Variants in APOOL observed in about 807,000 individuals in gnomAD.
APOOL encodes MICOS complex subunit MIC27.
Under a neutral mutation model 23.1 loss-of-function variants are expected in APOOL, and 12 were observed. The ratio of observed to expected loss-of-function variants is 0.52; its 90% CI spans 0.33 to 0.84. The LOEUF is 0.84. Among genes scored for constraint, APOOL ranks in the 40% least tolerant of loss-of-function variants. The pLI is 0.02. For synonymous variants in APOOL, 77 were observed against 69.9 expected (o/e 1.10, Z -0.51); for missense variants, 212 against 199.6 (o/e 1.06, Z -0.37).
chrX:85,072,040 C>T (rs1015209149), intron 6 of APOOL, among the ~76,000 whole-genome samples: 2 of 111,615 alleles, frequency 1.8e-5, no homozygotes, highest in South Asian at 3.7e-4. Flanking sequence ...ATCTGGGAGG[C>T]GGAGCTTGCA....
intron 2 of APOOL, among the ~76,000 whole-genome samples, chrX:85,050,571 G>C (rs1051635617): frequency 2.8e-5 from 3 of 105,826 alleles, no homozygotes; most frequent in African/African-American, 1.0e-4. Flanking sequence ...CAAACACCAG[G>C]CTTCATAGGA....
intron 8 of APOOL, among the ~76,000 whole-genome samples, chrX:85,081,876 G>C (rs1924114581): frequency 9.0e-6 from 1 of 111,191 alleles, no homozygotes; most frequent in Admixed American, 9.6e-5. Context: ...TTCTTCACTT[G>C]ATCAAATCAA....
chrX:85,078,423 G>A (rs769738198), intron 8 of APOOL, among the ~76,000 whole-genome samples: 1 of 111,205 alleles, frequency 9.0e-6, no homozygotes, highest in Non-Finnish European at 1.9e-5. Flanking sequence ...TACTTCTGAG[G>A]TGTCTGTTCT....
At chrX:85,086,531 C>A (rs1045329923) in intron 8 of APOOL, among the ~76,000 whole-genome samples, 6 of 111,730 alleles carry the variant, frequency 5.4e-5, no homozygotes, top group Middle Eastern at 4.6e-3. Flanking sequence ...GAAATCTTGT[C>A]TATTCTACCT....
intron 1 of APOOL, among the ~76,000 whole-genome samples, chrX:85,034,055 G>A (rs745649898): frequency 2.3e-4 from 26 of 111,215 alleles, no homozygotes; most frequent in African/African-American, 8.2e-4. Context: ...TTCCAGGACA[G>A]GTTTTTGGCC....
intron 1 of APOOL, among the ~76,000 whole-genome samples, chrX:85,039,803 A>G (rs929536514): frequency 3.6e-5 from 4 of 111,737 alleles, no homozygotes; most frequent in African/African-American, 1.3e-4. Context: ...ACTGCATGTG[A>G]GATGGGTCTC....
intron 1 of APOOL, among the ~76,000 whole-genome samples, chrX:85,016,754 C>A (rs1176940676): frequency 2.7e-5 from 3 of 111,881 alleles, no homozygotes; most frequent in Non-Finnish European, 5.6e-5. Flanking sequence ...TCTACTGTGC[C>A]CAGCATTGCA....
chrX:85,048,642 T>C (rs1431818240), intron 2 of APOOL, among the ~76,000 whole-genome samples: 2 of 111,910 alleles, frequency 1.8e-5, no homozygotes, highest in African/African-American at 6.5e-5. Context: ...TTCTAGCTAC[T>C]TTTATTGTGT....
intron 1 of APOOL, among the ~76,000 whole-genome samples, chrX:85,006,204 G>A (rs1239989990): frequency 9.0e-6 from 1 of 111,719 alleles, no homozygotes; most frequent in Non-Finnish European, 1.9e-5. Context: ...ATTGTATGGG[G>A]TTAAGAAAAG....
At chrX:85,017,613 C>T (rs907951686) in intron 1 of APOOL, among the ~76,000 whole-genome samples, 2 of 111,516 alleles carry the variant, frequency 1.8e-5, no homozygotes, top group African/African-American at 6.5e-5. Context: ...TTGACCGCTC[C>T]CTAATTCTGC....
chrX:85,009,693 G>A (rs1167662811), intron 1 of APOOL, among the ~76,000 whole-genome samples: 1 of 110,227 alleles, frequency 9.1e-6, no homozygotes, highest in Non-Finnish European at 1.9e-5. Flanking sequence ...TTGTTACACA[G>A]GTAAACTCGT....
intron 8 of APOOL, among the ~76,000 whole-genome samples, chrX:85,087,023 A>G (rs1272310557): frequency 8.1e-5 from 9 of 111,190 alleles, no homozygotes; most frequent in Non-Finnish European, 1.1e-4. Flanking sequence ...AAAACATAGC[A>G]TCATTCACTC....
Position 85,087,598 on chromosome X carries a change from C to A in APOOL, c.727C>A (p.Gln243Lys), listed in dbSNP as rs1411161455. The A allele has an allele frequency of 8.4e-7, 1 of 1,197,555 alleles. No individual in the cohort carries two copies. The highest frequency in any genetic ancestry group is 1.8e-5 in the African/African-American group (1 of 57,095). ...TTTTAATACTTTATCAGGTGCAACC[C>A]AGTTTATGCCTGACCCCAAGCTCAT... Reference protein sequence around the residue: ...TKSESTSGATQFMPDPKLMDH... With the variant: ...TKSESTSGATKFMPDPKLMDH... The change falls in exon 9 of 9, where the codon CAG becomes AAG. Residue 243 changes from glutamine (Q) to lysine (K), a missense_variant. Physicochemically the swap from Gln to Lys is moderately conservative, Grantham distance 53. Transcript: ENST00000373173.
chrX:85,040,353 A>G (rs1922364763), intron 1 of APOOL, among the ~76,000 whole-genome samples: 1 of 111,840 alleles, frequency 8.9e-6, no homozygotes, highest in Non-Finnish European at 1.9e-5. Context: ...ACCCTGAAGA[A>G]TATGATGAGT....
intron 1 of APOOL, among the ~76,000 whole-genome samples, chrX:85,045,109 G>A (rs1008496155): frequency 1.8e-4 from 20 of 111,568 alleles, no homozygotes; most frequent in African/African-American, 6.5e-4. Flanking sequence ...CCTAACATAG[G>A]TATGGTGTGG....
In APOOL at chrX:85,092,494, T is replaced by C; in HGVS notation, c.*4816T>C. On this transcript the variant is annotated 3_prime_UTR_variant, in exon 9 of 9. Coordinates refer to ENST00000373173, the MANE Select transcript of APOOL (RefSeq NM_198450.6). The stretch of plus-strand genomic sequence containing the variant: ...TAAAGCCCCTCGACTAGTATAGTAG[T>C]TGATAGAAGCCTGGTTCCAAATGAC... 2 of 1,210,014 alleles carry C rather than the reference T, an allele frequency of 1.7e-6. No homozygotes were observed. Among genetic ancestry groups the C allele is most frequent in the Non-Finnish European group, 2.2e-6 (2 of 894,390 alleles).
chrX:85,033,005 T>C lies in APOOL; in HGVS notation c.16-13441T>C, dbSNP rs140569069. The stretch of plus-strand genomic sequence containing the variant: ...GTTATCTAAGTGAAGGTATAGATAG[T>C]GGACCTGAATGGGTATTGAGCCCGG... On this transcript the variant is annotated intron_variant, in intron 1 of 8. Coordinates refer to ENST00000373173, the MANE Select transcript of APOOL (RefSeq NM_198450.6). 9.7e-4 allele frequency among the ~76,000 whole-genome samples: 109 copies of C among 112,414 alleles called. 1 individual carries two copies. Among genetic ancestry groups the C allele is most frequent in the African/African-American group, 3.3e-3 (101 of 30,967 alleles).
intron 5 of APOOL, among the ~76,000 whole-genome samples, chrX:85,064,340 ATT>A (rs745593279): frequency 2.7e-5 from 2 of 73,336 alleles, no homozygotes; most frequent in African/African-American, 5.0e-5. Context: ...CAGCTCCTGG[ATT>A]TTTTTTTTTT....
At chrX:85,052,435 C>G (rs1312501041) in intron 3 of APOOL, among the ~76,000 whole-genome samples, 1 of 111,639 alleles carries the variant, frequency 9.0e-6, no homozygotes, top group Non-Finnish European at 1.9e-5. Context: ...GTGTCAGTAT[C>G]TTAATGTTGG....
Sources: allele counts gnomAD v4.1 joint callset (sites outside exome capture counted in the v4.1 genomes callset), GRCh38; gene constraint gnomAD v4.1.1; transcripts MANE v1.5; gene names NCBI Gene and HGNC (gene_info 2026-07-23, HGNC 2026-07-21).